NRXN3: variants seen among roughly 807,000 people sequenced by gnomAD.
NRXN3 encodes neurexin III.
Under a neutral mutation model 137.6 loss-of-function variants are expected in NRXN3, and 32 were observed. That is an observed-to-expected ratio of 0.23 (90% CI 0.18 to 0.31). The LOEUF is 0.31. NRXN3 is among the 10% of genes least tolerant of loss of function. The pLI, the probability that NRXN3 is intolerant of heterozygous loss-of-function variation, is 1.00. For synonymous variants in NRXN3, 798 were observed against 784.5 expected, an observed-to-expected ratio of 1.02 and a Z score of -0.29; for missense variants, 1,574 against 2,062.5, an observed-to-expected ratio of 0.76 and a Z score of 4.59.
intron 15 of NRXN3, among the ~76,000 whole-genome samples, chr14:79,122,769 G>A (rs574657439): frequency 5.3e-4 from 81 of 152,096 alleles, no homozygotes; most frequent in Non-Finnish European, 9.1e-4. Flanking sequence ...TGCCTATTAC[G>A]TGCCAGATCC....
chr14:79,184,334 A>G (rs1048629433), intron 15 of NRXN3, among the ~76,000 whole-genome samples: 3 of 152,202 alleles, frequency 2.0e-5, no homozygotes, highest in African/African-American at 7.2e-5. Flanking sequence ...TATTGGTGAA[A>G]AAGAATAAGA....
intron 19 of NRXN3, among the ~76,000 whole-genome samples, chr14:79,718,664 C>G (rs1173970274): frequency 7.0e-6 from 1 of 143,584 alleles, no homozygotes; most frequent in Non-Finnish European, 1.5e-5. Context: ...CTTGTCCTGT[C>G]TCTGAACTGC....
chr14:79,129,246 T>C (rs1425979075), intron 15 of NRXN3, among the ~76,000 whole-genome samples: 3 of 150,610 alleles, frequency 2.0e-5, no homozygotes, highest in Non-Finnish European at 4.4e-5. Flanking sequence ...CTCTTGCTTT[T>C]CTAGTTCTTT....
chr14:79,468,776 C>A (rs971038924), intron 16 of NRXN3, among the ~76,000 whole-genome samples: 1 of 152,146 alleles, frequency 6.6e-6, no homozygotes, highest in African/African-American at 2.4e-5. Flanking sequence ...CAGTATAAGC[C>A]AGATCAGGGC....
At chr14:79,651,574 A>G (rs569200666) in intron 16 of NRXN3, among the ~76,000 whole-genome samples, 1 of 152,252 alleles carries the variant, frequency 6.6e-6, no homozygotes, top group African/African-American at 2.4e-5. Flanking sequence ...AAAACATTGA[A>G]ATGAATCAAC....
intron 10 of NRXN3, among the ~76,000 whole-genome samples, chr14:78,928,424 A>G (rs2099312138): frequency 6.6e-6 from 1 of 152,022 alleles, no homozygotes. Flanking sequence ...AACATTAGGT[A>G]TATCTCCTAA....
intron 4 of NRXN3, among the ~76,000 whole-genome samples, chr14:78,325,938 C>T (rs1236237705): frequency 6.6e-6 from 1 of 152,114 alleles, no homozygotes; most frequent in Admixed American, 6.5e-5. Context: ...TATTCTTTAC[C>T]CAGCAATTGC....
intron 4 of NRXN3, among the ~76,000 whole-genome samples, chr14:78,556,905 C>CTTCT (rs2096742782): frequency 1.8e-5 from 2 of 113,206 alleles, no homozygotes; most frequent in East Asian, 3.5e-4. Flanking sequence ...CCTCTCCCCT[C>CTTCT]CCCCTCCCCC....
At chr14:79,435,887 G>T (rs1343669751) in intron 15 of NRXN3, among the ~76,000 whole-genome samples, 1 of 152,040 alleles carries the variant, frequency 6.6e-6, no homozygotes, top group Non-Finnish European at 1.5e-5. Flanking sequence ...TCACACCTCG[G>T]CCTCCCAAAG....
intron 15 of NRXN3, among the ~76,000 whole-genome samples, chr14:79,431,609 AGAAAT>A (rs2095756033): frequency 1.3e-5 from 2 of 152,190 alleles, no homozygotes; most frequent in African/African-American, 4.8e-5. Flanking sequence ...AAGCTTTAAA[AGAAAT>A]GAATGTAAAA....
At chr14:79,498,210 A>G (rs1207290909) in intron 16 of NRXN3, among the ~76,000 whole-genome samples, 1 of 152,222 alleles carries the variant, frequency 6.6e-6, no homozygotes, top group African/African-American at 2.4e-5. Context: ...GTTAAACATT[A>G]GTCACTAATT....
At chr14:78,217,217 G>A (rs1444978930) in intron 1 of NRXN3, among the ~76,000 whole-genome samples, 1 of 152,092 alleles carries the variant, frequency 6.6e-6, no homozygotes, top group East Asian at 1.9e-4. Flanking sequence ...CAGAAAAATA[G>A]CAAACCCTCG....
chr14:78,906,549 A>G (rs1457115085), intron 10 of NRXN3, among the ~76,000 whole-genome samples: 18 of 152,078 alleles, frequency 1.2e-4, no homozygotes, highest in Admixed American at 1.2e-3. Flanking sequence ...TCACTCCCAC[A>G]TCCAATCTGT....
chr14:79,432,218 T>C (rs2095770035), intron 15 of NRXN3, among the ~76,000 whole-genome samples: 1 of 152,176 alleles, frequency 6.6e-6, no homozygotes, highest in Non-Finnish European at 1.5e-5. Flanking sequence ...AAAATTGCCA[T>C]ATATTTTTAT....
chr14:78,447,506 T>G (rs78936196), intron 4 of NRXN3, among the ~76,000 whole-genome samples: 1 of 152,162 alleles, frequency 6.6e-6, no homozygotes. Flanking sequence ...CTGGGGTGTG[T>G]TTCTAAGAGG....
chr14:78,568,173 A>G (rs187183790), intron 4 of NRXN3, among the ~76,000 whole-genome samples: 3 of 152,224 alleles, frequency 2.0e-5, no homozygotes, highest in Admixed American at 2.0e-4. Flanking sequence ...CCTCCCTCAG[A>G]TTTACATGTT....
At chr14:79,438,554 C>T (rs1259064020) in intron 15 of NRXN3, among the ~76,000 whole-genome samples, 2 of 152,130 alleles carry the variant, frequency 1.3e-5, no homozygotes, top group African/African-American at 4.8e-5. Flanking sequence ...CAAGTAAGCA[C>T]TTTATAATAT....
chr14:78,368,864 C>T lies in NRXN3; in HGVS notation c.757+71004C>T, dbSNP rs564093651. Among the ~76,000 whole-genome samples the T allele has an allele frequency of 1.3e-3, 201 of 152,328 alleles. 1 individual carries two copies. Among genetic ancestry groups the T allele is most frequent in the African/African-American group, 4.5e-3 (189 of 41,572 alleles). On this transcript the variant is annotated intron_variant, in intron 4 of 20. Coordinates refer to ENST00000335750, the MANE Select transcript of NRXN3 (RefSeq NM_001330195.2). Reference sequence around the variant, plus strand: ...CTTACAATATGGTCATGAGAGGTCACATCCTGACCACTAGAACTCCTAGTT... The same window carrying T: ...CTTACAATATGGTCATGAGAGGTCATATCCTGACCACTAGAACTCCTAGTT...
intron 15 of NRXN3, among the ~76,000 whole-genome samples, chr14:79,260,888 T>C (rs1307493381): frequency 6.6e-6 from 1 of 152,192 alleles, no homozygotes; most frequent in Non-Finnish European, 1.5e-5. Flanking sequence ...AAAGGGTATG[T>C]ATTTGGAATT....
Sources: allele counts gnomAD v4.1 joint callset (sites outside exome capture counted in the v4.1 genomes callset), GRCh38; gene constraint gnomAD v4.1.1; transcripts MANE v1.5; gene names NCBI Gene and HGNC (gene_info 2026-07-23, HGNC 2026-07-21).